Variants in COL25A1 observed in about 807,000 individuals in gnomAD.
COL25A1 encodes the protein collagen type XXV alpha 1 chain, also known as collagen alpha-1(XXV) chain.
In COL25A1, 103 loss-of-function variants were observed where a neutral mutation model predicts 128.4. The observed-to-expected ratio is 0.80, with a 90% CI of 0.68 to 0.94. The LOEUF (loss-of-function observed/expected upper bound fraction) is 0.94, where lower values mean the gene tolerates loss of function less well. COL25A1 is among the 40% of genes least tolerant of loss of function. The pLI is 0.00. For missense variants in COL25A1, 745 were observed against 840.0 expected (o/e 0.89, Z 1.40); for synonymous variants, 279 against 277.2 (o/e 1.01, Z -0.06).
At chr4:109,270,201 T>C (rs1267312025) in intron 3 of COL25A1, among the ~76,000 whole-genome samples, 1 of 152,010 alleles carries the variant, frequency 6.6e-6, no homozygotes, top group Non-Finnish European at 1.5e-5. Context: ...TTCAACATAG[T>C]GTTGGAAGTT....
Position 109,025,373 on chromosome 4 carries a change from T to A in COL25A1, c.421-14998A>T, listed in dbSNP as rs75294422. On this transcript the variant is annotated intron_variant, in intron 5 of 37. Transcript: ENST00000399132. Reference sequence around the variant, plus strand: ...GTAATTTGGTTTCTGCTATGTTTAATAACATTCTTAATGTGTGCTATGTTG... The same window carrying A: ...GTAATTTGGTTTCTGCTATGTTTAAAAACATTCTTAATGTGTGCTATGTTG... Among the ~76,000 whole-genome samples the A allele has an allele frequency of 8.3e-3, 1,263 of 152,320 alleles. 50 individuals carry two copies. In the East Asian group the frequency reaches 0.13, roughly 16 times the overall value.
At chr4:108,891,459 T>A (rs1215414174) in intron 16 of COL25A1, among the ~76,000 whole-genome samples, 2 of 152,182 alleles carry the variant, frequency 1.3e-5, no homozygotes, top group Non-Finnish European at 2.9e-5. Flanking sequence ...AATATTTATT[T>A]CTAGTAAATT....
Position 108,810,724 on chromosome 4 carries a change from G to A in COL25A1, c.*3203C>T, listed in dbSNP as rs527812174. 11 of 152,050 alleles carry A rather than the reference G, an allele frequency of 7.2e-5. No homozygotes were observed. Among genetic ancestry groups the A allele is most frequent in the South Asian group, 6.2e-4 (3 of 4,832 alleles). 9.4% of individuals were successfully genotyped at this position (152,050 alleles called of 1,614,324 possible). On this transcript the variant is annotated 3_prime_UTR_variant, in exon 38 of 38. Coordinates refer to ENST00000399132, the MANE Select transcript of COL25A1 (RefSeq NM_198721.4). ...TATGAAATAGGAGGATCCATGATCC[G>A]AGTAAACACACATCATCTATTGGTA...
intron 3 of COL25A1, among the ~76,000 whole-genome samples, chr4:109,113,304 C>A (rs911927679): frequency 6.6e-6 from 1 of 152,092 alleles, no homozygotes; most frequent in South Asian, 2.1e-4. Flanking sequence ...GACCCTGTAT[C>A]CTGGACATTG....
chr4:108,885,019 G>C (rs901439890), intron 18 of COL25A1, among the ~76,000 whole-genome samples: 1 of 152,156 alleles, frequency 6.6e-6, no homozygotes, highest in African/African-American at 2.4e-5. Flanking sequence ...GAAGTATAAA[G>C]GAATCTCAGG....
chr4:109,292,783 G>A (rs1724596896), intron 3 of COL25A1, among the ~76,000 whole-genome samples: 1 of 152,044 alleles, frequency 6.6e-6, no homozygotes, highest in African/African-American at 2.4e-5. Context: ...CAATCAAGTT[G>A]ATAACCATCC....
intron 3 of COL25A1, among the ~76,000 whole-genome samples, chr4:109,242,374 CTT>C (rs1310237379): frequency 6.6e-6 from 1 of 152,108 alleles, no homozygotes; most frequent in Non-Finnish European, 1.5e-5. Context: ...TCACTTCACT[CTT>C]TGCAATAAAC....
rs373943003 is a variant in COL25A1, at chr4:109,063,732, C to G, written c.368-13553G>C. On this transcript the variant is annotated intron_variant, in intron 3 of 37. Coordinates refer to ENST00000399132, the MANE Select transcript of COL25A1 (RefSeq NM_198721.4). The stretch of plus-strand genomic sequence containing the variant: ...ACATGCACTGCAGCTTACCATGAGA[C>G]TACATTCACCGGAATTTTTGTTTGA... Among the ~76,000 whole-genome samples, 13 of 152,194 alleles carry G rather than the reference C, an allele frequency of 8.5e-5. No individual in the cohort carries two copies. The East Asian group carries it at 2.3e-3, about 27-fold the overall frequency.
intron 3 of COL25A1, among the ~76,000 whole-genome samples, chr4:109,052,803 A>G (rs1439345644): frequency 1.3e-5 from 2 of 152,194 alleles, no homozygotes; most frequent in East Asian, 3.9e-4. Flanking sequence ...GAGTGAGAAG[A>G]TAGAAAATCA....
In COL25A1 at chr4:109,254,505, A is replaced by ATATATATG. The variant is rs1383703429; in HGVS notation, c.367+46077_367+46078insCATATATA. On this transcript the variant is annotated intron_variant, in intron 3 of 37. Coordinates refer to ENST00000399132, the MANE Select transcript of COL25A1 (RefSeq NM_198721.4). Reference sequence around the variant, plus strand: ...TATATATATATATATATATATATATATGTATGTGTGTATATACATATACAT... The same window carrying ATATATATG: ...TATATATATATATATATATATATATATATATATGTGTATGTGTGTATATACATATACAT... 8.6e-3 allele frequency among the ~76,000 whole-genome samples: 898 copies of ATATATATG among 104,870 alleles called. 33 individuals carry two copies. The highest frequency in any genetic ancestry group is 0.012 in the Non-Finnish European group (612 of 51,782). 68.8% of individuals were successfully genotyped at this position (104,870 alleles called of 152,430 possible). A position where few individuals can be genotyped will look rare whatever the true frequency, so the allele number is the denominator to read the frequency against.
At chr4:108,919,582 T>C (rs1407527978) in intron 12 of COL25A1, among the ~76,000 whole-genome samples, 2 of 152,088 alleles carry the variant, frequency 1.3e-5, no homozygotes, top group Non-Finnish European at 2.9e-5. Flanking sequence ...ATACAATTGT[T>C]TTCTTTAGTT....
chr4:109,188,558 T>C (rs1376082510), intron 3 of COL25A1, among the ~76,000 whole-genome samples: 1 of 152,108 alleles, frequency 6.6e-6, no homozygotes. Context: ...AAGAGATACA[T>C]GTGTCAAACT....
At chr4:108,857,548 G>A (rs1303976858) in intron 24 of COL25A1, among the ~76,000 whole-genome samples, 1 of 150,328 alleles carries the variant, frequency 6.7e-6, no homozygotes, top group East Asian at 2.0e-4. Flanking sequence ...CCAAAAAATA[G>A]GCTGAGCTGA....
chr4:108,863,179 G>A (rs1048575527), intron 21 of COL25A1, 140 bp downstream of exon 21: 7 of 790,232 alleles, frequency 8.9e-6, no homozygotes, highest in Admixed American at 2.2e-5. Context: ...CTTTTGAAAA[G>A]AACCAGTTGG....
intron 3 of COL25A1, among the ~76,000 whole-genome samples, chr4:109,101,318 G>T (rs4469153): frequency 0.096 from 14,654 of 152,156 alleles, 968 homozygotes; most frequent in East Asian, 0.29. Context: ...CTCGGTGACT[G>T]CAGGTGAGAA....
At chr4:108,966,805 T>C (rs1009218500) in intron 8 of COL25A1, among the ~76,000 whole-genome samples, 2 of 151,610 alleles carry the variant, frequency 1.3e-5, no homozygotes, top group Non-Finnish European at 2.9e-5. Flanking sequence ...TGAGCCGTGA[T>C]TGTGGCACTG....
chr4:109,269,651 T>A (rs1782058908), intron 3 of COL25A1, among the ~76,000 whole-genome samples: 1 of 151,728 alleles, frequency 6.6e-6, no homozygotes, highest in African/African-American at 2.4e-5. Flanking sequence ...GGTATCTCAT[T>A]GTGGTTTTGA....
chr4:109,125,117 T>G (rs1270364758), intron 3 of COL25A1, among the ~76,000 whole-genome samples: 1 of 152,140 alleles, frequency 6.6e-6, no homozygotes, highest in East Asian at 1.9e-4. Flanking sequence ...TGATAGAATC[T>G]ATGTCTACAG....
intron 6 of COL25A1, among the ~76,000 whole-genome samples, chr4:109,004,571 A>G (rs562905341): frequency 1.2e-4 from 19 of 152,250 alleles, no homozygotes; most frequent in African/African-American, 4.6e-4. Context: ...TGACTGGATC[A>G]TGGGGGTGGA....
Sources: gnomAD v4.1 joint callset for allele counts (sites outside exome capture counted in the v4.1 genomes callset) on GRCh38, gnomAD v4.1.1 for gene constraint, MANE v1.5 for transcripts, NCBI Gene and HGNC (gene_info 2026-07-23, HGNC 2026-07-21) for gene names.